SNTG1: variants seen among roughly 807,000 people sequenced by gnomAD.
SNTG1 encodes gamma-1-syntrophin.
Under a neutral mutation model 74.7 loss-of-function variants are expected in SNTG1, and 39 were observed. The ratio of observed to expected loss-of-function variants is 0.52; its 90% CI spans 0.40 to 0.68. SNTG1 has a LOEUF of 0.68. Ranked by LOEUF, SNTG1 falls within the 30% of genes least tolerant of loss-of-function variation. SNTG1 has a pLI of 0.00. For missense variants in SNTG1, 685 were observed against 609.5 expected (o/e 1.12, Z -1.30); for synonymous variants, 254 against 217.1 (o/e 1.17, Z -1.49).
chr8:50,357,090 T>C (rs2091838619), intron 2 of SNTG1, among the ~76,000 whole-genome samples: 1 of 152,216 alleles, frequency 6.6e-6, no homozygotes, highest in African/African-American at 2.4e-5. Flanking sequence ...GTGGTTTGCC[T>C]GAGAAACTGC....
intron 2 of SNTG1, among the ~76,000 whole-genome samples, chr8:50,222,701 G>A (rs2085130456): frequency 6.6e-6 from 1 of 152,154 alleles, no homozygotes; most frequent in Non-Finnish European, 1.5e-5. Context: ...CACTGGCTAA[G>A]AGTAAGGATT....
chr8:50,734,373 T>C (rs1430722831), intron 17 of SNTG1, among the ~76,000 whole-genome samples: 1 of 151,724 alleles, frequency 6.6e-6, no homozygotes, highest in Non-Finnish European at 1.5e-5. Flanking sequence ...ACTCAGTATA[T>C]ACTAGCCACT....
chr8:50,257,126 C>G (rs1586863698), intron 2 of SNTG1, among the ~76,000 whole-genome samples: 1 of 152,198 alleles, frequency 6.6e-6, no homozygotes, highest in East Asian at 1.9e-4. Context: ...ACCCAAAACC[C>G]TTCGGCTTGT....
At chr8:50,005,672 T>C (rs1815154266) in intron 1 of SNTG1, among the ~76,000 whole-genome samples, 1 of 152,180 alleles carries the variant, frequency 6.6e-6, no homozygotes, top group Non-Finnish European at 1.5e-5. Context: ...ATACAGATCC[T>C]TAGTTCAGGT....
Position 50,418,792 on chromosome 8 carries a change from A to G in SNTG1, c.162+16448A>G, listed in dbSNP as rs531327699. On this transcript the variant is annotated intron_variant, in intron 4 of 18. Transcript: ENST00000642720. ...TTTCCTATCCCAATAGAGTAAATGG[A>G]TATGTCATCTTTCCAGCTGCATTAG... Among the ~76,000 whole-genome samples the G allele has an allele frequency of 2.5e-3, 387 of 152,256 alleles. 1 individual carries two copies. The highest frequency in any genetic ancestry group is 4.4e-3 in the Non-Finnish European group (300 of 68,008).
rs144642670 is a variant in SNTG1, at chr8:50,201,968, A to G, written c.-28+29333A>G. On this transcript the variant is annotated intron_variant, in intron 2 of 18. Transcript: ENST00000642720. ...TCTAGAATACAAGTATAGCAATATG[A>G]GGATTTTTAACCCACGTCTCCATGG... is the stretch of plus-strand genomic sequence containing the variant. Among the ~76,000 whole-genome samples, 723 of 152,222 alleles carry G rather than the reference A, an allele frequency of 4.7e-3. 5 individuals are homozygous for G. The highest frequency in any genetic ancestry group is 0.017 in the African/African-American group (688 of 41,560).
chr8:50,395,912 C>A (rs2092723139), intron 3 of SNTG1, among the ~76,000 whole-genome samples: 1 of 152,100 alleles, frequency 6.6e-6, no homozygotes, highest in Non-Finnish European at 1.5e-5. Context: ...TTCATTGAAA[C>A]CCAGTGGATA....
At chr8:50,652,858 T>C (rs1176450210) in intron 13 of SNTG1, among the ~76,000 whole-genome samples, 1 of 151,818 alleles carries the variant, frequency 6.6e-6, no homozygotes, top group Non-Finnish European at 1.5e-5. Flanking sequence ...TTATCAGATA[T>C]AAAAAAATCT....
intron 1 of SNTG1, among the ~76,000 whole-genome samples, chr8:50,088,062 G>A (rs1370281702): frequency 6.7e-6 from 1 of 149,358 alleles, no homozygotes; most frequent in Non-Finnish European, 1.5e-5. Flanking sequence ...ATAGTTTACT[G>A]AGAATGATGA....
intron 1 of SNTG1, among the ~76,000 whole-genome samples, chr8:50,130,863 T>C (rs969378950): frequency 7.2e-5 from 11 of 152,106 alleles, no homozygotes; most frequent in Non-Finnish European, 1.3e-4. Flanking sequence ...TGGACAACAG[T>C]ATCATTTAGG....
intron 2 of SNTG1, among the ~76,000 whole-genome samples, chr8:50,180,885 C>T (rs1455445369): frequency 2.0e-5 from 3 of 151,478 alleles, no homozygotes; most frequent in African/African-American, 2.4e-5. Context: ...CTCAGCCTCC[C>T]GAGTAGCTGG....
intron 17 of SNTG1, among the ~76,000 whole-genome samples, chr8:50,727,855 G>T (rs2095503875): frequency 1.3e-5 from 2 of 152,170 alleles, no homozygotes; most frequent in African/African-American, 4.8e-5. Flanking sequence ...CAGAGTTATT[G>T]CATGCCAAAT....
At chr8:50,075,622 C>A (rs533373765) in intron 1 of SNTG1, among the ~76,000 whole-genome samples, 80 of 152,294 alleles carry the variant, frequency 5.3e-4, no homozygotes, top group African/African-American at 1.5e-3. Flanking sequence ...CACGTTGGGG[C>A]CTGCTTCCTA....
At chr8:50,698,910 CTT>C (rs1390255537) in intron 15 of SNTG1, among the ~76,000 whole-genome samples, 3 of 152,136 alleles carry the variant, frequency 2.0e-5, no homozygotes, top group African/African-American at 7.2e-5. Context: ...AATTTACTCT[CTT>C]CTCATTTTCA....
chr8:49,919,328 T>A (rs976472000), intron 1 of SNTG1, among the ~76,000 whole-genome samples: 4 of 152,138 alleles, frequency 2.6e-5, no homozygotes, highest in African/African-American at 9.7e-5. Context: ...TATTAGTTAT[T>A]GACTAATATC....
At chr8:50,090,331 G>A (rs188551152) in intron 1 of SNTG1, among the ~76,000 whole-genome samples, 4 of 152,190 alleles carry the variant, frequency 2.6e-5, no homozygotes, top group Non-Finnish European at 5.9e-5. Flanking sequence ...CCCATCTTAA[G>A]TGGGGGACTC....
At position 50,339,926 on chromosome 8, in the gene SNTG1, G is replaced by C. The variant is rs1193919916; in HGVS notation, c.-27-54286G>C. On this transcript the variant is annotated intron_variant, in intron 2 of 18. Coordinates refer to ENST00000642720, the MANE Select transcript of SNTG1 (RefSeq NM_018967.5). ...AGAGTAAACTATGTATTGTGTACAA[G>C]AAATCCACTTTAAATATAAGGACAC... Among the ~76,000 whole-genome samples, 4 of 151,710 alleles carry C rather than the reference G, an allele frequency of 2.6e-5. No individual in the cohort carries two copies. The East Asian group carries it at 7.7e-4, about 29-fold the overall frequency.
At chr8:50,576,325 A>C (rs533769788) in intron 12 of SNTG1, among the ~76,000 whole-genome samples, 2 of 152,276 alleles carry the variant, frequency 1.3e-5, no homozygotes, top group South Asian at 4.1e-4. Flanking sequence ...ATTCTATTCT[A>C]TGTATCTATG....
At chr8:50,755,355 A>G (rs963717659) in intron 18 of SNTG1, among the ~76,000 whole-genome samples, 1 of 151,756 alleles carries the variant, frequency 6.6e-6, no homozygotes, top group African/African-American at 2.4e-5. Flanking sequence ...GGATCATACA[A>G]TAGTTACCCT....
Sources: gnomAD v4.1 joint callset for allele counts (sites outside exome capture counted in the v4.1 genomes callset) on GRCh38, gnomAD v4.1.1 for gene constraint, MANE v1.5 for transcripts, NCBI Gene and HGNC (gene_info 2026-07-23, HGNC 2026-07-21) for gene names.